Variants in JCAD observed in about 807,000 individuals in gnomAD.
JCAD encodes the protein junctional cadherin 5 associated, also known as junctional cadherin 5-associated protein.
JCAD carries 40 observed loss-of-function variants against 98.0 expected under a neutral mutation model. The observed-to-expected ratio is 0.41, with a 90% CI of 0.32 to 0.53. The LOEUF (loss-of-function observed/expected upper bound fraction) is 0.53. Ranked by LOEUF, JCAD falls within the 20% of genes least tolerant of loss-of-function variation. JCAD has a pLI of 0.31. For synonymous variants in JCAD, 691 were observed against 682.3 expected, an observed-to-expected ratio of 1.01 and a Z score of -0.20; for missense variants, 1,705 against 1,738.1, an observed-to-expected ratio of 0.98 and a Z score of 0.34.
chr10:30,029,264 G>T lies in JCAD; in HGVS notation c.884C>A (p.Pro295His), dbSNP rs1262760757. 1.1e-5 allele frequency: 17 copies of T among 1,614,042 alleles called. No homozygotes were observed. The highest frequency in any genetic ancestry group is 1.4e-5 in the Non-Finnish European group (17 of 1,180,040). ...PRPKFGRPLK[P>H]PSYSSHQQSR... ...CTGCTGGTGCGAGCTGTAAGATGGG[G>T]GCTTGAGGGGCCTCCCAAACTTAGG... Residue 295 changes from proline to histidine, a missense_variant, in exon 3 of 4, where the codon CCC becomes CAC. By Grantham distance (77) the Pro-to-His change is moderately conservative. Coordinates refer to ENST00000375377, the MANE Select transcript of JCAD (RefSeq NM_020848.4).
At chr10:30,066,038 G>A (rs182114632) in intron 2 of JCAD, among the ~76,000 whole-genome samples, 1 of 152,276 alleles carries the variant, frequency 6.6e-6, no homozygotes, top group East Asian at 1.9e-4. Flanking sequence ...CAGGGATGGA[G>A]CACAATAAAT....
At chr10:30,087,752 A>C (rs1838189417) in intron 1 of JCAD, among the ~76,000 whole-genome samples, 1 of 152,260 alleles carries the variant, frequency 6.6e-6, no homozygotes, top group Non-Finnish European at 1.5e-5. Flanking sequence ...TGGGAAGAGA[A>C]AAAGCAGGGC....
chr10:30,058,633 C>A (rs1166583551), intron 1 of JCAD, among the ~76,000 whole-genome samples: 1 of 152,178 alleles, frequency 6.6e-6, no homozygotes, highest in African/African-American at 2.4e-5. Flanking sequence ...CCACTGTGGC[C>A]AGGGCATCGA....
At chr10:30,049,035 A>G (rs1375104522) in intron 1 of JCAD, among the ~76,000 whole-genome samples, 1 of 152,236 alleles carries the variant, frequency 6.6e-6, no homozygotes, top group Non-Finnish European at 1.5e-5. Flanking sequence ...CCCACAAAGA[A>G]GAATGAAAAT....
rs201712408 is a variant in JCAD, at chr10:30,051,259, C to T, written c.-59-3388G>A. On this transcript the variant is annotated intron_variant, in intron 1 of 3. Transcript: ENST00000375377. ...TAGATGACTCTTCTCACACACCACA[C>T]GCACACACGCACGCACACACGCACG... 9.9e-5 allele frequency among the ~76,000 whole-genome samples: 14 copies of T among 141,366 alleles called. No homozygotes were observed. In the East Asian group the frequency reaches 2.2e-3, roughly 22 times the overall value. The allele number at this position is 141,366 out of a possible 152,430, so 92.7% of individuals were successfully genotyped here.
chr10:30,026,639 G>A lies in JCAD; in HGVS notation c.3509C>T (p.Pro1170Leu). Residue 1170 changes from proline (P) to leucine (L), a missense_variant, in exon 3 of 4, where the codon CCT becomes CTT. Pro to Leu is a moderately conservative substitution (Grantham distance 98, BLOSUM62 -3). Around this residue, in one of 3 missense-constraint regions of JCAD, gnomAD observed 1,278 missense variants for 1,243.1 expected, o/e 1.03. Transcript: ENST00000375377. Reference sequence around the variant, plus strand: ...CACATCTGAGTGCTCAAAAGCCTGAGGAGCCCGCCTGGCACTGTCCCTGTC... The same window carrying A: ...CACATCTGAGTGCTCAAAAGCCTGAAGAGCCCGCCTGGCACTGTCCCTGTC... ...VGDRDSARRA[P>L]QAFEHSDVDG... 6.2e-7 allele frequency: 1 copy of A among 1,613,252 alleles called. No homozygotes were observed. The highest frequency in any genetic ancestry group is 2.2e-5 in the East Asian group (1 of 44,880).
At chr10:30,019,440 A>G (rs938050199) in intron 3 of JCAD, among the ~76,000 whole-genome samples, 1 of 151,958 alleles carries the variant, frequency 6.6e-6, no homozygotes, top group Non-Finnish European at 1.5e-5. Flanking sequence ...AGATAAGCAA[A>G]TCCTGCCATT....
In JCAD at chr10:30,026,168, C is replaced by G. The variant is rs775991777; in HGVS notation, c.3980G>C (p.Arg1327Thr). The change falls in exon 3 of 4, where the codon AGG becomes ACG. Residue 1327 changes from arginine (R) to threonine (T), a missense_variant. Transcript: ENST00000375377. ...TGCTGCCGGATGCTCCTTCTCTTCC[C>G]TGGAGATGCTGTCCTTGGACACAGA... ...SLSVSKDSIS[R>T]EEKEHPAAQK... The G allele has an allele frequency of 1.1e-5, 17 of 1,614,096 alleles. No individual in the cohort carries two copies. Among genetic ancestry groups the G allele is most frequent in the African/African-American group, 1.3e-5 (1 of 74,940 alleles).
chr10:30,027,785 A>G lies in JCAD; in HGVS notation c.2363T>C (p.Val788Ala), dbSNP rs754821118. The change falls in exon 3 of 4, where the codon GTC becomes GCC. Residue 788 changes from valine to alanine, a missense_variant. Physicochemically the swap from Val to Ala is moderately conservative, Grantham distance 64. This residue lies in a region of JCAD where 1,278 missense variants were observed against 1,243.1 expected (regional missense o/e 1.03). Transcript: ENST00000375377. ...CCCAGGGTGGGCTCCAAGCCCGTGG[A>G]CATCCACGCAGGGCTGACTTCGGCC... Reference protein sequence around the residue: ...KAGRSQPCVDVHGLGAHPGPK... With the variant: ...KAGRSQPCVDAHGLGAHPGPK... 1.2e-5 allele frequency: 20 copies of G among 1,614,200 alleles called. No homozygotes were observed. The highest frequency in any genetic ancestry group is 1.7e-5 in the Non-Finnish European group (20 of 1,180,016).
intron 1 of JCAD, among the ~76,000 whole-genome samples, chr10:30,110,084 G>T (rs1838662167): frequency 6.6e-6 from 1 of 151,990 alleles, no homozygotes; most frequent in Admixed American, 6.6e-5. Context: ...TAAACCCATG[G>T]ATGTATGGAC....
chr10:30,088,778 G>T (rs1240791737), intron 1 of JCAD, among the ~76,000 whole-genome samples: 3 of 152,032 alleles, frequency 2.0e-5, no homozygotes, highest in Admixed American at 6.6e-5. Flanking sequence ...GACCAGCCTG[G>T]CCAACATTGT....
intron 1 of JCAD, among the ~76,000 whole-genome samples, chr10:30,055,866 G>A (rs1837561557): frequency 6.6e-6 from 1 of 152,152 alleles, no homozygotes; most frequent in African/African-American, 2.4e-5. Flanking sequence ...ATTATGCACT[G>A]AATTTTTTTC....
At chr10:30,093,274 A>C (rs7916965) in intron 1 of JCAD, among the ~76,000 whole-genome samples, 4,284 of 152,278 alleles carry the variant, frequency 0.028, 215 homozygotes, top group African/African-American at 0.096. Context: ...GGTGTGGTTT[A>C]AATGTTGATA....
At chr10:30,056,188 T>G (rs761327791) in intron 1 of JCAD, among the ~76,000 whole-genome samples, 1 of 152,208 alleles carries the variant, frequency 6.6e-6, no homozygotes, top group African/African-American at 2.4e-5. Context: ...CTTATCATCA[T>G]GTATGTCAAG....
intron 3 of JCAD, among the ~76,000 whole-genome samples, chr10:30,024,328 T>C (rs1251163024): frequency 6.6e-6 from 1 of 152,242 alleles, no homozygotes; most frequent in Non-Finnish European, 1.5e-5. Flanking sequence ...CCTGATTTTA[T>C]AGATGAAGAA....
intron 2 of JCAD, among the ~76,000 whole-genome samples, chr10:30,039,035 G>A (rs1007327341): frequency 6.6e-6 from 1 of 152,214 alleles, no homozygotes; most frequent in South Asian, 2.1e-4. Context: ...CTATTTAAAT[G>A]AGCCCACTCC....
intron 1 of JCAD, among the ~76,000 whole-genome samples, chr10:30,114,589 A>C (rs561143944): frequency 1.3e-5 from 2 of 151,832 alleles, no homozygotes; most frequent in South Asian, 4.2e-4. Context: ...AAAAAAAAAA[A>C]AAAAAAAAAA....
At chr10:30,063,354 T>G (rs1837731511), upstream of JCAD, among the ~76,000 whole-genome samples, 1 of 152,086 alleles carries the variant, frequency 6.6e-6, no homozygotes, top group African/African-American at 2.4e-5. Context: ...ATTGAGTCAT[T>G]GGGCAGATGT....
At chr10:30,085,154 T>C (rs891671509) in intron 1 of JCAD, among the ~76,000 whole-genome samples, 34 of 152,196 alleles carry the variant, frequency 2.2e-4, no homozygotes, top group Admixed American at 2.2e-3. Flanking sequence ...AGGTTTGGTG[T>C]TGTATTTTTC....
Sources: gnomAD v4.1 joint callset for allele counts (sites outside exome capture counted in the v4.1 genomes callset) on GRCh38, gnomAD v4.1.1 for gene constraint, gnomAD v4.1.1 regional missense constraint, MANE v1.5 for transcripts, NCBI Gene and HGNC (gene_info 2026-07-23, HGNC 2026-07-21) for gene names.